The following RTF2 variants were observed in gnomAD, a reference collection of about 807,000 sequenced individuals.
The protein encoded by RTF2 is UPF0549 protein C20orf43.
In RTF2, 18 loss-of-function variants were observed where a neutral mutation model predicts 38.0. The observed-to-expected ratio is 0.47, with a 90% CI of 0.33 to 0.70. The LOEUF (loss-of-function observed/expected upper bound fraction) is 0.70. Among genes scored for constraint, RTF2 ranks in the 30% least tolerant of loss-of-function variants. RTF2 has a pLI of 0.02. For synonymous variants in RTF2, 126 were observed against 137.1 expected, an observed-to-expected ratio of 0.92 and a Z score of 0.57; for missense variants, 311 against 379.6, an observed-to-expected ratio of 0.82 and a Z score of 1.50.
intron 5 of RTF2, chr20:56,491,628 C>T (rs1461287227): frequency 6.4e-7 from 1 of 1,551,900 alleles, no homozygotes; most frequent in Non-Finnish European, 8.7e-7. Context: ...GGAACTTCTG[C>T]CTGCCTCAGC....
At chr20:56,502,807 C>T (rs562548875) in intron 5 of RTF2, among the ~76,000 whole-genome samples, 12 of 152,274 alleles carry the variant, frequency 7.9e-5, no homozygotes, top group African/African-American at 2.4e-4. Flanking sequence ...ATTGCATTTA[C>T]CTTATTAGGA....
chr20:56,518,427 G>A lies in RTF2; in HGVS notation c.*162G>A, dbSNP rs2146388252. 1.6e-6 allele frequency: 1 copy of A among 642,824 alleles called. No homozygotes were observed. Among genetic ancestry groups the A allele is most frequent in the Non-Finnish European group, 2.5e-6 (1 of 399,918 alleles). 39.8% of individuals were successfully genotyped at this position (642,824 alleles called of 1,614,324 possible). A position where few individuals can be genotyped will look rare whatever the true frequency, so the allele number is the denominator to read the frequency against. ...GCTGGTGTGGCCACTCTTGATGTGA[G>A]GCGTGTCGGTTCCAGGGGGGACATG... On this transcript the variant is annotated 3_prime_UTR_variant, in exon 9 of 9. Coordinates refer to ENST00000357348, the MANE Select transcript of RTF2 (RefSeq NM_016407.5).
At chr20:56,470,482 G>A in intron 1 of RTF2, 1 of 431,222 alleles carries the variant, frequency 2.3e-6, no homozygotes. Context: ...GCAGAGTCTA[G>A]CCCTGGTGGA....
chr20:56,508,547 T>C (rs761183547), intron 5 of RTF2, among the ~76,000 whole-genome samples: 192 of 152,362 alleles, frequency 1.3e-3, no homozygotes, highest in Admixed American at 2.2e-3. Flanking sequence ...TCTATGACTA[T>C]AACATTTAAT....
At chr20:56,501,891 G>A in intron 5 of RTF2, among the ~76,000 whole-genome samples, 1 of 152,082 alleles carries the variant, frequency 6.6e-6, no homozygotes, top group Non-Finnish European at 1.5e-5. Context: ...AATAAATTTG[G>A]GGGTTTGTGT....
intron 5 of RTF2, among the ~76,000 whole-genome samples, chr20:56,489,416 G>A (rs1393130247): frequency 1.3e-5 from 2 of 152,094 alleles, no homozygotes; most frequent in Non-Finnish European, 2.9e-5. Flanking sequence ...TAAGCCTGTT[G>A]GGGGCAGGTG....
chr20:56,499,578 G>C (rs967464462), intron 5 of RTF2, among the ~76,000 whole-genome samples: 1 of 152,116 alleles, frequency 6.6e-6, no homozygotes, highest in South Asian at 2.1e-4. Flanking sequence ...GAATAGGAAA[G>C]AAAAATGTTC....
rs1984821310 is a variant in RTF2 at position 56,513,412 on chromosome 20, G to A, written c.575G>A (p.Arg192Lys). The change falls in exon 6 of 9, where the codon AGA becomes AAA. Residue 192 changes from arginine to lysine, a missense_variant. Arg to Lys is a conservative substitution (Grantham distance 26). Transcript: ENST00000357348. Reference protein sequence around the residue: ...LKTRMEERRLRAKLEKKTKKP... With the variant: ...LKTRMEERRLKAKLEKKTKKP... The stretch of plus-strand genomic sequence containing the variant: ...ACAAGGATGGAGGAGAGAAGGCTGA[G>A]AGCGAAGCTGGAAAAGGTAATGGGA... 2.5e-6 allele frequency: 4 copies of A among 1,599,622 alleles called. No homozygotes were observed. The highest frequency in any genetic ancestry group is 1.7e-4 in the Middle Eastern group (1 of 6,052).
intron 5 of RTF2, among the ~76,000 whole-genome samples, chr20:56,488,026 G>T (rs541166905): frequency 6.6e-6 from 1 of 152,216 alleles, no homozygotes; most frequent in East Asian, 1.9e-4. Context: ...TTTGCAGGGG[G>T]GCATAATTCA....
rs1401491802 is a variant in RTF2, at chr20:56,468,744, A to C, written c.47A>C (p.Lys16Thr). The C allele has an allele frequency of 2.5e-6, 4 of 1,588,862 alleles. No individual in the cohort carries two copies. The highest frequency in any genetic ancestry group is 3.4e-6 in the Non-Finnish European group (4 of 1,167,904). Residue 16 changes from lysine to threonine, a missense_variant, in exon 1 of 9, where the codon AAG becomes ACG. Transcript: ENST00000357348. Reference sequence around the variant, plus strand: ...ATCCCCAAGAGGCATGAACTGGTGAAGGGGCCGAAGAAGGTTGAGAAGGTC... The same window carrying C: ...ATCCCCAAGAGGCATGAACTGGTGACGGGGCCGAAGAAGGTTGAGAAGGTC... ...GTIPKRHELV[K>T]GPKKVEKVDK...
At chr20:56,510,819 A>G (rs1450420787) in intron 5 of RTF2, among the ~76,000 whole-genome samples, 1 of 152,194 alleles carries the variant, frequency 6.6e-6, no homozygotes, top group African/African-American at 2.4e-5. Context: ...GCACACCTAT[A>G]GCCCTAGCTA....
At chr20:56,491,601 G>T in intron 5 of RTF2, 6 of 1,551,726 alleles carry the variant, frequency 3.9e-6, no homozygotes, top group Non-Finnish European at 5.2e-6. Flanking sequence ...TGTTGAAAAT[G>T]CCAGTGTGGC....
In RTF2 at chr20:56,474,766, A is replaced by T; in HGVS notation, c.253A>T (p.Ile85Phe). 6.3e-7 allele frequency: 1 copy of T among 1,598,266 alleles called. No homozygotes were observed. Among genetic ancestry groups the T allele is most frequent in the Non-Finnish European group, 8.6e-7 (1 of 1,168,632 alleles). ...LGKAASHIKS[I>F]KNVTELKLSD... Reference sequence around the variant, plus strand: ...GAAGGCAGCATCTCACATTAAAAGCATTAAGGTAACACGAGTGATTCTGAA... The same window carrying T: ...GAAGGCAGCATCTCACATTAAAAGCTTTAAGGTAACACGAGTGATTCTGAA... Residue 85 changes from isoleucine to phenylalanine, a missense_variant, in exon 3 of 9, where the codon ATT becomes TTT. By Grantham distance (21) the Ile-to-Phe change is conservative. Coordinates refer to ENST00000357348, the MANE Select transcript of RTF2 (RefSeq NM_016407.5).
intron 5 of RTF2, among the ~76,000 whole-genome samples, chr20:56,492,580 G>C (rs1469278051): frequency 6.6e-6 from 1 of 151,334 alleles, no homozygotes; most frequent in Non-Finnish European, 1.5e-5. Flanking sequence ...TTTTTTTAAA[G>C]TGGGAATTAG....
intron 4 of RTF2, 72 bp downstream of exon 4, chr20:56,477,196 C>T (rs774395042): frequency 1.7e-4 from 264 of 1,564,004 alleles, no homozygotes; most frequent in Middle Eastern, 5.1e-4. Flanking sequence ...GCAGTGGTGC[C>T]GGAGCTTAGC....
intron 4 of RTF2, among the ~76,000 whole-genome samples, chr20:56,479,207 G>A (rs1449773173): frequency 6.6e-6 from 1 of 152,036 alleles, no homozygotes; most frequent in Admixed American, 6.6e-5. Flanking sequence ...ATGAATCACA[G>A]ATTTTTTTTG....
Position 56,518,259 on chromosome 20 carries a change from C to T in RTF2, c.915C>T (p.Cys305=), listed in dbSNP as rs747431568. Residue 305 remains cysteine (C), a synonymous_variant, in exon 9 of 9, where the codon TGC becomes TGT. Transcript: ENST00000357348. ...SAHWVTHTSY[C]F ...ACTGGGTCACCCACACGTCCTACTG[C>T]TTCTGAAGCCCGCACTGCCACCGCT... The T allele has an allele frequency of 1.9e-6, 3 of 1,610,732 alleles. No individual in the cohort carries two copies. Among genetic ancestry groups the T allele is most frequent in the East Asian group, 2.2e-5 (1 of 44,864 alleles).
Position 56,495,167 on chromosome 20 carries a change from A to G in RTF2, c.477+10978A>G, listed in dbSNP as rs1600813497. ...AGTTTTATAGTTGTTGTAAAATTTG[A>G]AGCCTTTTTTGTTTTGTTTTGTTTT... On this transcript the variant is annotated intron_variant, in intron 5 of 8. Coordinates refer to ENST00000357348, the MANE Select transcript of RTF2 (RefSeq NM_016407.5). The G allele has an allele frequency of 2.1e-6, 3 of 1,431,728 alleles. No individual in the cohort carries two copies. In the East Asian group the frequency reaches 7.4e-5, roughly 35 times the overall value. 88.7% of individuals were successfully genotyped at this position (1,431,728 alleles called of 1,614,324 possible).
chr20:56,501,555 A>G (rs994518623), intron 5 of RTF2, among the ~76,000 whole-genome samples: 2 of 152,176 alleles, frequency 1.3e-5, no homozygotes, highest in African/African-American at 4.8e-5. Flanking sequence ...TGGAGTAGGT[A>G]TGCAAGTTCT....
Sources: allele counts gnomAD v4.1 joint callset (sites outside exome capture counted in the v4.1 genomes callset), GRCh38; gene constraint gnomAD v4.1.1; transcripts MANE v1.5; gene names NCBI Gene and HGNC (gene_info 2026-07-23, HGNC 2026-07-21).